ECPAS: variants seen among roughly 807,000 people sequenced by gnomAD.
The protein encoded by ECPAS is proteasome adapter and scaffold protein ECM29.
Under a neutral mutation model 255.1 loss-of-function variants are expected in ECPAS, and 70 were observed. The observed-to-expected ratio is 0.27, with a 90% CI of 0.23 to 0.33. ECPAS has a LOEUF of 0.33. Among genes scored for constraint, ECPAS ranks in the 10% least tolerant of loss-of-function variants. ECPAS has a pLI of 1.00. For synonymous variants in ECPAS, 784 were observed against 775.0 expected, an observed-to-expected ratio of 1.01 and a Z score of -0.19; for missense variants, 1,817 against 2,206.4, an observed-to-expected ratio of 0.82 and a Z score of 3.54.
rs72764769 is a variant in ECPAS at position 111,388,712 on chromosome 9, G to A, written c.3447+844C>T. Among the ~76,000 whole-genome samples, 962 of 152,186 alleles carry A rather than the reference G, an allele frequency of 6.3e-3. 4 individuals carry two copies. The highest frequency in any genetic ancestry group is 0.011 in the Non-Finnish European group (748 of 68,010). On this transcript the variant is annotated intron_variant, in intron 31 of 49. Coordinates refer to ENST00000684092, the MANE Select transcript of ECPAS (RefSeq NM_001364929.1). The stretch of plus-strand genomic sequence containing the variant: ...GACCTATTCATCAGTAAAGAATTAG[G>A]GAAAGAAGAGAGTAGATTCAAGGAA...
intron 36 of ECPAS, among the ~76,000 whole-genome samples, chr9:111,376,852 T>C (rs2098133855): frequency 6.6e-6 from 1 of 152,210 alleles, no homozygotes; most frequent in African/African-American, 2.4e-5. Flanking sequence ...ATAAAGGAAC[T>C]GACTAAACAA....
chr9:111,417,638 T>C (rs987277324), intron 17 of ECPAS, among the ~76,000 whole-genome samples: 1 of 151,940 alleles, frequency 6.6e-6, no homozygotes, highest in African/African-American at 2.4e-5. Context: ...TCCCAGCTAT[T>C]CAGGAGCTGG....
At chr9:111,402,672 A>T (rs1324811831) in intron 24 of ECPAS, among the ~76,000 whole-genome samples, 1 of 152,158 alleles carries the variant, frequency 6.6e-6, no homozygotes. Flanking sequence ...AGAGCCAAAA[A>T]ATGGGGGTAC....
intron 38 of ECPAS, 56 bp from the exon 39 acceptor site, chr9:111,374,094 C>A: frequency 7.1e-7 from 1 of 1,401,072 alleles, no homozygotes; most frequent in South Asian, 1.2e-5. Flanking sequence ...TTCTACCTAC[C>A]AAACCATTGG....
At chr9:111,385,482 G>T in intron 32 of ECPAS, 40 bp from the exon 33 acceptor site, 1 of 1,138,030 alleles carries the variant, frequency 8.8e-7, no homozygotes, top group Non-Finnish European at 1.3e-6. Flanking sequence ...GATGAAAAAG[G>T]TCAGTATTTT....
intron 2 of ECPAS, among the ~76,000 whole-genome samples, chr9:111,466,709 T>C (rs2098280081): frequency 6.6e-6 from 1 of 151,994 alleles, no homozygotes; most frequent in Non-Finnish European, 1.5e-5. Context: ...GGTGCAGTGA[T>C]GCAGTTACAG....
intron 19 of ECPAS, among the ~76,000 whole-genome samples, 171 bp from the exon 20 acceptor site, chr9:111,414,157 C>A (rs755054727): frequency 3.2e-4 from 49 of 151,092 alleles, no homozygotes; most frequent in Non-Finnish European, 8.8e-5. Context: ...TGATTCACTA[C>A]AGCAAATTTA....
At position 111,440,503 on chromosome 9, in the gene ECPAS, T is replaced by C; in HGVS notation, c.408A>G (p.Ile136Met). ...GGTATTTCATGTGAAAAAGGGTTGG[T>C]ATTAAAAGATGCATTAAGCTGAAAA... ...PQQDSLMHLLIPTLFHMKYPV... is the reference protein window; with the variant it reads ...PQQDSLMHLLMPTLFHMKYPV... Residue 136 changes from isoleucine (I) to methionine (M), a missense_variant, in exon 6 of 50, where the codon ATA becomes ATG. Ile to Met is a conservative substitution (Grantham distance 10). Coordinates refer to ENST00000684092, the MANE Select transcript of ECPAS (RefSeq NM_001364929.1). 6.2e-7 allele frequency: 1 copy of C among 1,603,356 alleles called. No homozygotes were observed. The highest frequency in any genetic ancestry group is 8.5e-7 in the Non-Finnish European group (1 of 1,173,852).
At chr9:111,406,135 G>T (rs1412561133) in intron 24 of ECPAS, among the ~76,000 whole-genome samples, 1 of 149,678 alleles carries the variant, frequency 6.7e-6, no homozygotes, top group African/African-American at 2.5e-5. Context: ...TCCAGCAACA[G>T]ATGAATGGAT....
At chr9:111,397,008 C>A in intron 25 of ECPAS, 22 bp downstream of exon 25, 1 of 1,613,540 alleles carries the variant, frequency 6.2e-7, no homozygotes, top group South Asian at 1.1e-5. Flanking sequence ...CATTATAAAT[C>A]GATTAGCTGA....
intron 48 of ECPAS, chr9:111,366,035 T>C: frequency 1.9e-6 from 1 of 529,004 alleles, no homozygotes; most frequent in Non-Finnish European, 3.3e-6. Flanking sequence ...TCACGAAGGT[T>C]TTTCTAAACT....
intron 2 of ECPAS, among the ~76,000 whole-genome samples, chr9:111,451,892 CT>C (rs2098260745): frequency 1.3e-5 from 2 of 152,204 alleles, no homozygotes; most frequent in Non-Finnish European, 2.9e-5. Flanking sequence ...GGCAGCAAAA[CT>C]TTAATCAGAT....
intron 16 of ECPAS, among the ~76,000 whole-genome samples, chr9:111,419,163 T>C (rs1038024990): frequency 1.2e-4 from 19 of 152,206 alleles, no homozygotes; most frequent in African/African-American, 4.3e-4. Flanking sequence ...TAAAAGTTTA[T>C]GGGCAAGGGT....
intron 2 of ECPAS, among the ~76,000 whole-genome samples, chr9:111,466,105 T>A (rs1255240264): frequency 1.3e-5 from 2 of 150,604 alleles, no homozygotes; most frequent in African/African-American, 2.4e-5. Flanking sequence ...AGAAAAAAAA[T>A]TTTTAATCAC....
Position 111,372,542 on chromosome 9 carries a change from G to A in ECPAS, c.4415C>T (p.Ala1472Val), listed in dbSNP as rs1564497867. ...RYSPDVLKNH[A>V]KEVLPLAFLG... ...AAATGCCAGAGGCAGGACTTCTTTT[G>A]CATGATTCTTTAATACATCAGGGCT... Residue 1472 changes from alanine to valine, a missense_variant, in exon 42 of 50, where the codon GCA becomes GTA. By Grantham distance (64) the Ala-to-Val change is moderately conservative. Coordinates refer to ENST00000684092, the MANE Select transcript of ECPAS (RefSeq NM_001364929.1). The A allele has an allele frequency of 6.2e-7, 1 of 1,613,780 alleles. No homozygotes were observed. Among genetic ancestry groups the A allele is most frequent in the East Asian group, 2.2e-5 (1 of 44,864 alleles).
At chr9:111,424,774 T>C (rs1014081527) in intron 12 of ECPAS, among the ~76,000 whole-genome samples, 1 of 152,162 alleles carries the variant, frequency 6.6e-6, no homozygotes, top group African/African-American at 2.4e-5. Context: ...CAAATCCAAA[T>C]AGTCACATAG....
In ECPAS at chr9:111,371,693, T is replaced by A. The variant is rs192652307; in HGVS notation, c.4665A>T (p.Leu1555=). Residue 1555 remains leucine, a synonymous_variant, in exon 43 of 50, where the codon CTA becomes CTT. Transcript: ENST00000684092. ...GTATCATTCCGAGATATGGAGGTAC[T>A]AGAGAGCTAGTCTGTTTTGCAATTG... ...MASIAKQTSS[L]VPPYLGMILT... 3.8e-4 allele frequency: 617 copies of A among 1,613,912 alleles called. No individual in the cohort carries two copies. The highest frequency in any genetic ancestry group is 4.7e-4 in the Non-Finnish European group (555 of 1,179,836).
chr9:111,414,030 T>C (rs1266956339), intron 19 of ECPAS, 44 bp from the exon 20 acceptor site: 1 of 1,332,782 alleles, frequency 7.5e-7, no homozygotes, highest in Non-Finnish European at 1.0e-6. Context: ...AGAAAAGTAA[T>C]GAACATACAG....
chr9:111,363,107 T>TC (rs3837271), intron 49 of ECPAS, among the ~76,000 whole-genome samples: 8,665 of 146,810 alleles, frequency 0.059, 364 homozygotes, highest in East Asian at 0.18. Flanking sequence ...TGCTAACAGT[T>TC]CCCCCCCACC....
Sources: gnomAD v4.1 joint callset for allele counts (sites outside exome capture counted in the v4.1 genomes callset) on GRCh38, gnomAD v4.1.1 for gene constraint, MANE v1.5 for transcripts, NCBI Gene and HGNC (gene_info 2026-07-23, HGNC 2026-07-21) for gene names.